SPATA17: variants seen among roughly 807,000 people sequenced by gnomAD.
SPATA17 encodes the protein spermatogenesis associated 17, also known as spermatogenesis-associated protein 17.
SPATA17 carries 53 observed loss-of-function variants against 62.2 expected under a neutral mutation model. That is an observed-to-expected ratio of 0.85 (90% confidence interval 0.68 to 1.07). SPATA17 has a LOEUF of 1.07. Among genes scored for constraint, SPATA17 ranks in the 50% least tolerant of loss-of-function variants. The pLI is 0.00. For missense variants in SPATA17, 466 were observed against 425.5 expected (o/e 1.10, Z -0.84); for synonymous variants, 146 against 146.8 (o/e 0.99, Z 0.04).
At chr1:217,717,733 C>T (rs968228831) in intron 5 of SPATA17, among the ~76,000 whole-genome samples, 16 of 152,080 alleles carry the variant, frequency 1.1e-4, no homozygotes, top group African/African-American at 3.6e-4. Flanking sequence ...AAATGATAGG[C>T]GCTTTTAAGA....
chr1:217,788,774 C>G (rs1187416079), intron 8 of SPATA17, among the ~76,000 whole-genome samples: 1 of 152,118 alleles, frequency 6.6e-6, no homozygotes, highest in Non-Finnish European at 1.5e-5. Flanking sequence ...CCAGTAAGAC[C>G]TATTTTGCAC....
intron 6 of SPATA17, among the ~76,000 whole-genome samples, chr1:217,762,713 C>T (rs12142758): frequency 0.46 from 69,233 of 152,080 alleles, 16,818 homozygotes; most frequent in Non-Finnish European, 0.55. Flanking sequence ...GGCTCTCGCC[C>T]GTAATCCCAA....
chr1:217,672,179 T>A (rs1670847031), intron 4 of SPATA17, among the ~76,000 whole-genome samples: 1 of 152,206 alleles, frequency 6.6e-6, no homozygotes, highest in Non-Finnish European at 1.5e-5. Flanking sequence ...GTTGTGTATA[T>A]CTGAAGATTA....
chr1:217,673,857 G>GT (rs768195287), intron 4 of SPATA17, among the ~76,000 whole-genome samples: 127 of 152,208 alleles, frequency 8.3e-4, no homozygotes, highest in South Asian at 2.3e-3. Flanking sequence ...TCGTGGAATT[G>GT]TTTTTTCCAT....
At chr1:217,763,348 T>C (rs1290033884) in intron 6 of SPATA17, among the ~76,000 whole-genome samples, 1 of 151,924 alleles carries the variant, frequency 6.6e-6, no homozygotes, top group Admixed American at 6.6e-5. Context: ...TGATAATTAG[T>C]GTGAATTCTT....
intron 9 of SPATA17, among the ~76,000 whole-genome samples, chr1:217,849,598 A>C (rs1045966468): frequency 4.6e-5 from 7 of 152,282 alleles, no homozygotes; most frequent in African/African-American, 1.7e-4. Flanking sequence ...TTGGTAATTG[A>C]GGTGGTGAGT....
chr1:217,850,230 A>C (rs1675616592), intron 9 of SPATA17, among the ~76,000 whole-genome samples: 1 of 152,194 alleles, frequency 6.6e-6, no homozygotes. Flanking sequence ...TTTTTCCAAA[A>C]GTATGGCATC....
intron 5 of SPATA17, among the ~76,000 whole-genome samples, chr1:217,696,189 CTCG>C (rs1367601987): frequency 6.6e-6 from 1 of 152,208 alleles, no homozygotes; most frequent in Non-Finnish European, 1.5e-5. Context: ...GGGATATAGT[CTCG>C]TGGTGCACCG....
chr1:217,816,465 A>G (rs1674719472), intron 9 of SPATA17, among the ~76,000 whole-genome samples: 1 of 151,740 alleles, frequency 6.6e-6, no homozygotes, highest in African/African-American at 2.4e-5. Flanking sequence ...ACATATTTAT[A>G]TATTCAACCT....
chr1:217,773,601 A>T (rs1193843624), intron 6 of SPATA17, among the ~76,000 whole-genome samples: 1 of 152,136 alleles, frequency 6.6e-6, no homozygotes, highest in African/African-American at 2.4e-5. Flanking sequence ...CATCTATTGA[A>T]ACTCTATTGT....
intron 5 of SPATA17, among the ~76,000 whole-genome samples, chr1:217,686,742 C>T (rs938068809): frequency 2.6e-5 from 4 of 152,242 alleles, no homozygotes; most frequent in East Asian, 1.9e-4. Context: ...TTTTTTGAGA[C>T]GGAGTCACGC....
chr1:217,701,291 G>A (rs1197675040), intron 5 of SPATA17, among the ~76,000 whole-genome samples: 1 of 151,486 alleles, frequency 6.6e-6, no homozygotes. Context: ...ATATAGATAT[G>A]TGTGTGTATA....
At chr1:217,866,376 A>G (rs1676010795) in intron 10 of SPATA17, 1 of 152,198 alleles carries the variant, frequency 6.6e-6, no homozygotes, top group South Asian at 2.1e-4. Flanking sequence ...TTTCCATAAT[A>G]GAGGCAGATT....
rs80225870 is a variant in SPATA17, at chr1:217,749,331, G to A, written c.519+7233G>A. On this transcript the variant is annotated intron_variant, in intron 6 of 10. Coordinates refer to ENST00000366933, the MANE Select transcript of SPATA17 (RefSeq NM_138796.4). ...AAAGGATGTATGCCTTGATACTTAC[G>A]GTTGCCAATAGTACCCTTATCTCCA... Among the ~76,000 whole-genome samples the A allele has an allele frequency of 9.9e-4, 151 of 152,114 alleles. No individual in the cohort carries two copies. In the East Asian group the frequency reaches 0.023, roughly 23 times the overall value.
chr1:217,745,585 A>C (rs765948478), intron 6 of SPATA17, among the ~76,000 whole-genome samples: 2 of 152,182 alleles, frequency 1.3e-5, no homozygotes, highest in Non-Finnish European at 2.9e-5. Context: ...TCTAAACAAA[A>C]GTATGCAACA....
chr1:217,845,964 A>G (rs1341892333), intron 9 of SPATA17, among the ~76,000 whole-genome samples: 3 of 152,258 alleles, frequency 2.0e-5, no homozygotes, highest in African/African-American at 2.4e-5. Context: ...AAACATTAAT[A>G]TAAGATTTCT....
intron 3 of SPATA17, among the ~76,000 whole-genome samples, chr1:217,657,754 A>T (rs563640846): frequency 6.6e-6 from 1 of 152,316 alleles, no homozygotes; most frequent in Non-Finnish European, 1.5e-5. Context: ...TTAGTCCTGT[A>T]TGTAAAAGAG....
At chr1:217,855,723 G>T (rs1448977003) in intron 9 of SPATA17, among the ~76,000 whole-genome samples, 1 of 111,632 alleles carries the variant, frequency 9.0e-6, no homozygotes, top group Non-Finnish European at 1.8e-5. Context: ...AAAGACAGAA[G>T]GAACTATTTT....
At chr1:217,820,090 A>C (rs558994574) in intron 9 of SPATA17, among the ~76,000 whole-genome samples, 11 of 152,198 alleles carry the variant, frequency 7.2e-5, no homozygotes, top group African/African-American at 2.2e-4. Flanking sequence ...CTCAAGGAAC[A>C]TGAGCTTTCC....
Sources: allele counts gnomAD v4.1 joint callset (sites outside exome capture counted in the v4.1 genomes callset), GRCh38; gene constraint gnomAD v4.1.1; transcripts MANE v1.5; gene names NCBI Gene and HGNC (gene_info 2026-07-23, HGNC 2026-07-21).